The following SLC39A11 variants were observed in gnomAD, a reference collection of about 807,000 sequenced individuals.
The protein encoded by SLC39A11 is solute carrier family 39 member 11, also known as zinc transporter ZIP11.
Under a neutral mutation model 36.1 loss-of-function variants are expected in SLC39A11, and 33 were observed. The ratio of observed to expected loss-of-function variants is 0.91; its 90% CI spans 0.69 to 1.22. The LOEUF (loss-of-function observed/expected upper bound fraction) is 1.22. Among genes scored for constraint, SLC39A11 ranks in the 50% most tolerant of loss-of-function variants. SLC39A11 has a pLI of 0.00. For synonymous variants in SLC39A11, 166 were observed against 170.3 expected, an observed-to-expected ratio of 0.97 and a Z score of 0.20; for missense variants, 432 against 430.3, an observed-to-expected ratio of 1.00 and a Z score of -0.03.
intron 6 of SLC39A11, among the ~76,000 whole-genome samples, chr17:72,756,858 G>C (rs767486995): frequency 6.6e-6 from 1 of 152,062 alleles, no homozygotes; most frequent in Non-Finnish European, 1.5e-5. Flanking sequence ...AGGTTTAAAA[G>C]TGGTGCAATG....
At chr17:72,851,710 C>A (rs1470301871) in intron 5 of SLC39A11, among the ~76,000 whole-genome samples, 1 of 152,132 alleles carries the variant, frequency 6.6e-6, no homozygotes, top group African/African-American at 2.4e-5. Context: ...CCAGAGGCAG[C>A]CAACTGATCA....
At chr17:72,765,716 C>T (rs1352911376) in intron 6 of SLC39A11, among the ~76,000 whole-genome samples, 1 of 152,184 alleles carries the variant, frequency 6.6e-6, no homozygotes, top group Non-Finnish European at 1.5e-5. Flanking sequence ...AAAATCAGGT[C>T]AATGGCGAGG....
intron 6 of SLC39A11, among the ~76,000 whole-genome samples, chr17:72,785,130 T>C (rs1334234478): frequency 6.6e-6 from 1 of 152,164 alleles, no homozygotes; most frequent in African/African-American, 2.4e-5. Flanking sequence ...CCTCCCAAAG[T>C]GCTGGGATTA....
chr17:72,702,563 A>T (rs1255981577), intron 7 of SLC39A11, among the ~76,000 whole-genome samples: 1 of 152,198 alleles, frequency 6.6e-6, no homozygotes, highest in Non-Finnish European at 1.5e-5. Flanking sequence ...GACAGTGCCA[A>T]GTTCTAGCAG....
chr17:73,011,879 C>G (rs1316504395), intron 4 of SLC39A11, among the ~76,000 whole-genome samples: 1 of 148,020 alleles, frequency 6.8e-6, no homozygotes, highest in African/African-American at 2.5e-5. Flanking sequence ...CCAGGCTGGT[C>G]TCGAACTCCT....
intron 5 of SLC39A11, among the ~76,000 whole-genome samples, chr17:72,910,164 G>A (rs1279925072): frequency 2.0e-5 from 3 of 152,146 alleles, no homozygotes; most frequent in African/African-American, 7.2e-5. Context: ...ATATTACGAA[G>A]AGGGGAGGTG....
At chr17:72,871,221 C>T (rs2080607538) in intron 5 of SLC39A11, among the ~76,000 whole-genome samples, 1 of 151,642 alleles carries the variant, frequency 6.6e-6, no homozygotes, top group Non-Finnish European at 1.5e-5. Flanking sequence ...GCCACAATGC[C>T]CGGCTAATTT....
At chr17:72,692,791 C>T (rs1450703192) in intron 7 of SLC39A11, among the ~76,000 whole-genome samples, 1 of 152,122 alleles carries the variant, frequency 6.6e-6, no homozygotes, top group African/African-American at 2.4e-5. Flanking sequence ...GATACTTGTA[C>T]ACACAGGACA....
intron 4 of SLC39A11, among the ~76,000 whole-genome samples, chr17:72,985,243 G>A (rs911560219): frequency 6.6e-5 from 10 of 152,164 alleles, no homozygotes; most frequent in South Asian, 6.2e-4. Flanking sequence ...TGAGGGCCAC[G>A]CAGACAGCGC....
intron 7 of SLC39A11, among the ~76,000 whole-genome samples, chr17:72,687,193 GT>G (rs995602720): frequency 3.3e-5 from 5 of 151,766 alleles, no homozygotes; most frequent in Admixed American, 6.6e-5. Context: ...TGCCTGGTTA[GT>G]TTTTTTAAAA....
chr17:72,822,670 G>A (rs1367800), intron 6 of SLC39A11, among the ~76,000 whole-genome samples: 7,489 of 151,112 alleles, frequency 0.05, 639 homozygotes, highest in African/African-American at 0.17. Context: ...AAAGAGGACA[G>A]GAGACAAAGG....
intron 5 of SLC39A11, among the ~76,000 whole-genome samples, chr17:72,856,137 G>T (rs1245208522): frequency 6.6e-6 from 1 of 152,154 alleles, no homozygotes; most frequent in Non-Finnish European, 1.5e-5. Context: ...AAAGGGCCAT[G>T]ATACAATTCC....
intron 4 of SLC39A11, among the ~76,000 whole-genome samples, chr17:72,999,865 C>T (rs1358411854): frequency 4.6e-5 from 7 of 152,104 alleles, no homozygotes; most frequent in Admixed American, 3.3e-4. Flanking sequence ...CTCAGTCTCC[C>T]GAGTAGCTGG....
chr17:72,663,075 A>G (rs1471333146), intron 7 of SLC39A11, among the ~76,000 whole-genome samples: 1 of 152,254 alleles, frequency 6.6e-6, no homozygotes, highest in African/African-American at 2.4e-5. Context: ...GAGAAAAACT[A>G]GACACAAAAT....
rs147900015 is a variant in SLC39A11 at position 73,013,518 on chromosome 17, G to A, written c.306+18038C>T. 1.5e-3 allele frequency among the ~76,000 whole-genome samples: 231 copies of A among 152,344 alleles called. 1 individual carries two copies. Among genetic ancestry groups the A allele is most frequent in the African/African-American group, 5.3e-3 (219 of 41,580 alleles). On this transcript the variant is annotated intron_variant, in intron 4 of 9. Coordinates refer to ENST00000255559, the MANE Select transcript of SLC39A11 (RefSeq NM_139177.4). ...AAAAGCAGCTGCAGGGGATTCCACA[G>A]TTCATAAATGAACAGGTGCAGCTGA...
chr17:72,955,704 G>T (rs1335678956), intron 4 of SLC39A11, among the ~76,000 whole-genome samples: 1 of 151,986 alleles, frequency 6.6e-6, no homozygotes, highest in African/African-American at 2.4e-5. Flanking sequence ...CACGGTCTGT[G>T]TTCAATAATT....
At position 72,682,189 on chromosome 17, in the gene SLC39A11, A is replaced by G. The variant is rs189377798; in HGVS notation, c.672-32921T>C. 4.1e-3 allele frequency among the ~76,000 whole-genome samples: 617 copies of G among 152,224 alleles called. 2 individuals are homozygous for G. Among genetic ancestry groups the G allele is most frequent in the African/African-American group, 0.014 (593 of 41,512 alleles). Reference sequence around the variant, plus strand: ...TAGTTGCAGGAAAACAAGCTCCTCTACATTATGGGGAATTGTATAATTATT... The same window carrying G: ...TAGTTGCAGGAAAACAAGCTCCTCTGCATTATGGGGAATTGTATAATTATT... On this transcript the variant is annotated intron_variant, in intron 7 of 9. Coordinates refer to ENST00000255559, the MANE Select transcript of SLC39A11 (RefSeq NM_139177.4).
At chr17:72,806,632 G>T (rs2077267542) in intron 6 of SLC39A11, among the ~76,000 whole-genome samples, 1 of 152,096 alleles carries the variant, frequency 6.6e-6, no homozygotes, top group South Asian at 2.1e-4. Flanking sequence ...GCCCAGACTG[G>T]AGTAGAGTGG....
At chr17:72,743,194 G>C (rs778295870) in intron 6 of SLC39A11, among the ~76,000 whole-genome samples, 8 of 152,192 alleles carry the variant, frequency 5.3e-5, no homozygotes, top group East Asian at 1.9e-4. Context: ...TGACCCAGCT[G>C]GGGGGGCTAG....
Sources: allele counts gnomAD v4.1 joint callset (sites outside exome capture counted in the v4.1 genomes callset), GRCh38; gene constraint gnomAD v4.1.1; transcripts MANE v1.5; gene names NCBI Gene and HGNC (gene_info 2026-07-23, HGNC 2026-07-21).